CHCHD6: variants seen among roughly 807,000 people sequenced by gnomAD.
CHCHD6 encodes the protein coiled-coil-helix-coiled-coil-helix domain containing 6.
Under a neutral mutation model 32.3 loss-of-function variants are expected in CHCHD6, and 28 were observed. The ratio of observed to expected loss-of-function variants is 0.87; its 90% CI spans 0.64 to 1.19. CHCHD6 has a LOEUF of 1.19. Ranked by LOEUF, CHCHD6 falls within the 50% of genes most tolerant of loss-of-function variation. The pLI is 0.00. For synonymous variants in CHCHD6, 122 were observed against 117.5 expected, an observed-to-expected ratio of 1.04 and a Z score of -0.25; for missense variants, 333 against 307.0, an observed-to-expected ratio of 1.08 and a Z score of -0.63.
At position 126,704,241 on chromosome 3, in the gene CHCHD6, A is replaced by C. The variant is rs1011299244; in HGVS notation, c.-72A>C. The C allele has an allele frequency of 6.2e-6, 8 of 1,282,276 alleles. No individual in the cohort carries two copies. The highest frequency in any genetic ancestry group is 3.3e-6 in the Non-Finnish European group (3 of 897,578). The allele number at this position is 1,282,276 out of a possible 1,614,324, so 79.4% of individuals were successfully genotyped here. ...GTGCCGCGGCCGCGCGAGTCCTGGA[A>C]AGCGTTGTTGGCCCGGTTGCTCTGG... is the stretch of plus-strand genomic sequence containing the variant. On this transcript the variant is annotated 5_prime_UTR_variant, in exon 1 of 8. Coordinates refer to ENST00000290913, the MANE Select transcript of CHCHD6 (RefSeq NM_032343.3).
chr3:126,767,487 C>T lies in CHCHD6; in HGVS notation c.411+34265C>T, dbSNP rs181134081. The T allele has an allele frequency of 1.7e-5, 10 of 583,854 alleles. No homozygotes were observed. In the East Asian group the frequency reaches 3.5e-4, roughly 20 times the overall value. The allele number at this position is 583,854 out of a possible 1,614,324, so 36.2% of individuals were successfully genotyped here. ...CAAAGAATCTTTCCTGACTTTTCCT[C>T]CCATGCCTGTTAGGTGCTCTCTTTT... is the stretch of plus-strand genomic sequence containing the variant. On this transcript the variant is annotated intron_variant, in intron 4 of 7. Transcript: ENST00000290913.
chr3:126,827,511 C>G (rs907618018), intron 4 of CHCHD6, among the ~76,000 whole-genome samples: 2 of 152,118 alleles, frequency 1.3e-5, no homozygotes, highest in Admixed American at 1.3e-4. Flanking sequence ...GCTGCAGCAG[C>G]CCTAGGGTGC....
intron 4 of CHCHD6, among the ~76,000 whole-genome samples, chr3:126,790,389 G>T (rs1938466732): frequency 6.6e-6 from 1 of 152,208 alleles, no homozygotes; most frequent in Non-Finnish European, 1.5e-5. Flanking sequence ...GGTTGGGGAA[G>T]TTCTCCTGGG....
intron 5 of CHCHD6, among the ~76,000 whole-genome samples, chr3:126,905,845 G>A (rs1166970988): frequency 1.3e-5 from 2 of 152,168 alleles, no homozygotes; most frequent in Non-Finnish European, 2.9e-5. Flanking sequence ...ATGACAGGTA[G>A]CCCTCCAGAA....
At chr3:126,956,287 G>C (rs1195444227) in intron 6 of CHCHD6, among the ~76,000 whole-genome samples, 1 of 152,194 alleles carries the variant, frequency 6.6e-6, no homozygotes, top group Non-Finnish European at 1.5e-5. Context: ...AATTTGGAAA[G>C]GCTGTTAAGT....
intron 5 of CHCHD6, among the ~76,000 whole-genome samples, chr3:126,867,085 C>G (rs1465002061): frequency 6.6e-6 from 1 of 152,198 alleles, no homozygotes; most frequent in Non-Finnish European, 1.5e-5. Flanking sequence ...GTTGCATACA[C>G]TTAGGTTCTT....
intron 5 of CHCHD6, among the ~76,000 whole-genome samples, chr3:126,861,853 T>A (rs1262303891): frequency 1.1e-3 from 26 of 24,084 alleles, no homozygotes; most frequent in East Asian, 1.7e-3. Context: ...CTCCCCCTCC[T>A]CCACCATCAC....
chr3:126,872,027 C>G (rs1385643377), intron 5 of CHCHD6, among the ~76,000 whole-genome samples: 2 of 152,186 alleles, frequency 1.3e-5, no homozygotes, highest in Non-Finnish European at 2.9e-5. Context: ...TCTAAAGACT[C>G]TTATCTCTCT....
intron 5 of CHCHD6, among the ~76,000 whole-genome samples, chr3:126,898,449 G>C (rs2077873478): frequency 6.6e-6 from 1 of 152,226 alleles, no homozygotes; most frequent in South Asian, 2.1e-4. Context: ...GAGAGATAAG[G>C]GGTTTTGTTT....
chr3:126,905,985 A>G (rs1178156080), intron 5 of CHCHD6, among the ~76,000 whole-genome samples: 3 of 152,120 alleles, frequency 2.0e-5, no homozygotes, highest in Non-Finnish European at 2.9e-5. Context: ...GAAAGAGGAA[A>G]TATGAGTGGG....
chr3:126,804,552 G>A (rs1209026303), intron 4 of CHCHD6, among the ~76,000 whole-genome samples: 5 of 152,312 alleles, frequency 3.3e-5, no homozygotes, highest in Middle Eastern at 3.4e-3. Flanking sequence ...AACAGGATCT[G>A]AAATTGTGGC....
intron 4 of CHCHD6, among the ~76,000 whole-genome samples, chr3:126,841,709 CA>C (rs1941089050): frequency 6.6e-6 from 1 of 151,296 alleles, no homozygotes; most frequent in African/African-American, 2.4e-5. Flanking sequence ...AGTTTGAGAT[CA>C]GCCCAGCAAC....
intron 4 of CHCHD6, among the ~76,000 whole-genome samples, chr3:126,754,877 G>A (rs1936887751): frequency 6.6e-6 from 1 of 152,206 alleles, no homozygotes; most frequent in South Asian, 2.1e-4. Flanking sequence ...AACGTCTCCA[G>A]GCTAAGAAGC....
chr3:126,897,251 T>C (rs1163773414), intron 5 of CHCHD6, among the ~76,000 whole-genome samples: 2 of 152,200 alleles, frequency 1.3e-5, no homozygotes, highest in Non-Finnish European at 2.9e-5. Flanking sequence ...TCAGGAACCA[T>C]TAATCCTCTT....
intron 1 of CHCHD6, among the ~76,000 whole-genome samples, chr3:126,724,137 A>T (rs1935432176): frequency 6.6e-6 from 1 of 152,162 alleles, no homozygotes; most frequent in Non-Finnish European, 1.5e-5. Context: ...GTGTACAGAG[A>T]TGAGTGAGAT....
At chr3:126,934,969 T>G (rs1192849665) in intron 6 of CHCHD6, 4 of 190,954 alleles carry the variant, frequency 2.1e-5, no homozygotes, top group Admixed American at 6.5e-5. Context: ...AAAGGAGGAC[T>G]GAGGAAATGG....
At chr3:126,885,565 G>A (rs1467575000) in intron 5 of CHCHD6, among the ~76,000 whole-genome samples, 2 of 152,188 alleles carry the variant, frequency 1.3e-5, no homozygotes, top group African/African-American at 2.4e-5. Context: ...TGCTCAAAAT[G>A]TGACTGAGTT....
At chr3:126,726,128 T>A (rs1292249629) in intron 1 of CHCHD6, among the ~76,000 whole-genome samples, 1 of 152,210 alleles carries the variant, frequency 6.6e-6, no homozygotes, top group Admixed American at 6.5e-5. Flanking sequence ...TCACTAAGCT[T>A]AATCATTTGT....
chr3:126,800,287 C>G (rs1396069068), intron 4 of CHCHD6, among the ~76,000 whole-genome samples: 1 of 152,072 alleles, frequency 6.6e-6, no homozygotes, highest in Non-Finnish European at 1.5e-5. Context: ...GCTCTGTCCC[C>G]AAGCCCAATT....
Sources: allele counts gnomAD v4.1 joint callset (sites outside exome capture counted in the v4.1 genomes callset), GRCh38; gene constraint gnomAD v4.1.1; transcripts MANE v1.5; gene names NCBI Gene and HGNC (gene_info 2026-07-23, HGNC 2026-07-21).